The following SRL variants were observed in gnomAD, a reference collection of about 807,000 sequenced individuals.
The protein encoded by SRL is sarcalumenin.
Under a neutral mutation model 39.5 loss-of-function variants are expected in SRL, and 23 were observed. The observed-to-expected ratio is 0.58, with a 90% CI of 0.42 to 0.82. SRL has a LOEUF of 0.82. SRL is among the 40% of genes least tolerant of loss of function. SRL has a pLI of 0.00. For missense variants in SRL, 592 were observed against 607.8 expected, an observed-to-expected ratio of 0.97 and a Z score of 0.27; for synonymous variants, 272 against 237.4, an observed-to-expected ratio of 1.15 and a Z score of -1.34.
rs572901393 is a variant in SRL, at chr16:4,226,508, T to G, written c.61+15499A>C. ...GTAGGTGGGTGGGTGAGTGGAAGGA[T>G]GGATGGATGGATAAATGGAGGGACA... On this transcript the variant is annotated intron_variant, in intron 1 of 5. Coordinates refer to ENST00000399609, the MANE Select transcript of SRL (RefSeq NM_001098814.2). Among the ~76,000 whole-genome samples the G allele has an allele frequency of 2.7e-5, 4 of 149,908 alleles. No individual in the cohort carries two copies. The South Asian group carries it at 8.5e-4, about 32-fold the overall frequency.
chr16:4,222,090 T>TC (rs1391771260), intron 1 of SRL, among the ~76,000 whole-genome samples: 1 of 151,902 alleles, frequency 6.6e-6, no homozygotes, highest in Non-Finnish European at 1.5e-5. Context: ...CCATAACAGG[T>TC]CCCCCAATAG....
chr16:4,198,490 C>T (rs1054191322), intron 3 of SRL, among the ~76,000 whole-genome samples: 1 of 152,122 alleles, frequency 6.6e-6, no homozygotes, highest in Non-Finnish European at 1.5e-5. Flanking sequence ...TCTCCGTTGC[C>T]CAGGCTGAAA....
chr16:4,199,692 C>CTTTTTTTTTTTTTTTTTTTTTTT lies in SRL; in HGVS notation c.260-1778_260-1777insAAAAAAAAAAAAAAAAAAAAAAA, dbSNP rs201684866. On this transcript the variant is annotated intron_variant, in intron 3 of 5. Transcript: ENST00000399609. ...GCCCCTCCCCATCTTCTTTTCTTTT[C>CTTTTTTTTTTTTTTTTTTTTTTT]CTTTTTTTTTTTTTTTTTTTTTGAG... Among the ~76,000 whole-genome samples the CTTTTTTTTTTTTTTTTTTTTTTT allele has an allele frequency of 1.8e-5, 2 of 111,454 alleles. 1 individual carries two copies. Among genetic ancestry groups the CTTTTTTTTTTTTTTTTTTTTTTT allele is most frequent in the African/African-American group, 6.8e-5 (2 of 29,568 alleles). 73.1% of individuals were successfully genotyped at this position (111,454 alleles called of 152,430 possible).
intron 1 of SRL, chr16:4,207,084 T>C (rs773482746): frequency 2.2e-6 from 1 of 454,526 alleles, no homozygotes; most frequent in South Asian, 1.6e-5. Flanking sequence ...CCTGGCTTCC[T>C]GGGGCTCCCC....
chr16:4,238,885 C>T (rs1053915486), intron 1 of SRL, among the ~76,000 whole-genome samples: 10 of 151,872 alleles, frequency 6.6e-5, no homozygotes, highest in African/African-American at 1.9e-4. Flanking sequence ...GTTCCCAAAG[C>T]GCTGGGATTA....
intron 1 of SRL, among the ~76,000 whole-genome samples, chr16:4,223,676 C>A (rs2052556270): frequency 6.6e-6 from 1 of 152,078 alleles, no homozygotes. Context: ...AGATGAGCCA[C>A]CACATCCGGC....
chr16:4,205,360 G>A (rs1430843775), intron 1 of SRL, among the ~76,000 whole-genome samples: 1 of 152,158 alleles, frequency 6.6e-6, no homozygotes, highest in African/African-American at 2.4e-5. Flanking sequence ...GGGCTAGGTA[G>A]GAGAATGCCT....
chr16:4,210,406 C>G (rs1314178648), intron 1 of SRL, among the ~76,000 whole-genome samples: 1 of 150,522 alleles, frequency 6.6e-6, no homozygotes, highest in African/African-American at 2.4e-5. Flanking sequence ...TGCTTAAGCA[C>G]TTTATATATA....
In SRL at chr16:4,190,716, G is replaced by C. The variant is rs1263986381; in HGVS notation, c.*1437C>G. 1.1e-5 allele frequency: 4 copies of C among 371,340 alleles called. No homozygotes were observed. The highest frequency in any genetic ancestry group is 4.2e-5 in the African/African-American group (2 of 48,092). The allele number at this position is 371,340 out of a possible 1,614,324, so 23.0% of individuals were successfully genotyped here. A position where few individuals can be genotyped will look rare whatever the true frequency, so the allele number is the denominator to read the frequency against. On this transcript the variant is annotated 3_prime_UTR_variant, in exon 6 of 6. Transcript: ENST00000399609. ...CCTGCGGTGTGTTCAGTGGACATCT[G>C]CATCAAGGTCAGGCGGGAAGGTCAA...
rs550985641 is a variant in SRL at position 4,222,272 on chromosome 16, C to T, written c.62-17638G>A. 1.1e-4 allele frequency among the ~76,000 whole-genome samples: 16 copies of T among 152,304 alleles called. No homozygotes were observed. The South Asian group carries it at 2.3e-3, about 22-fold the overall frequency. On this transcript the variant is annotated intron_variant, in intron 1 of 5. Coordinates refer to ENST00000399609, the MANE Select transcript of SRL (RefSeq NM_001098814.2). ...CACCTGTCACCTATGTGACATCACCCTATGTGACGGCTTTTTTTAAAAACA... is the reference window on the plus strand; with the variant it reads ...CACCTGTCACCTATGTGACATCACCTTATGTGACGGCTTTTTTTAAAAACA...
At chr16:4,194,662 T>A (rs2052111991) in intron 5 of SRL, among the ~76,000 whole-genome samples, 1 of 152,096 alleles carries the variant, frequency 6.6e-6, no homozygotes, top group South Asian at 2.1e-4. Context: ...AGCTTGAACC[T>A]CTCAGAGCTG....
chr16:4,194,449 C>G (rs1304247294), intron 5 of SRL, among the ~76,000 whole-genome samples: 1 of 152,192 alleles, frequency 6.6e-6, no homozygotes, highest in East Asian at 1.9e-4. Context: ...TTGAAGAAGC[C>G]TGCTAAAGGC....
intron 1 of SRL, among the ~76,000 whole-genome samples, chr16:4,205,107 G>A (rs2052301898): frequency 6.6e-6 from 1 of 152,034 alleles, no homozygotes; most frequent in African/African-American, 2.4e-5. Context: ...AGGATCACTG[G>A]AGCCCAAAAG....
In SRL at chr16:4,195,535, A is replaced by C; in HGVS notation, c.610+18T>G. ...TTGAAACAGAGCTTACACTGTTCAG[A>C]AATGAGGGCTAAATTACCTCTTTCT... On this transcript the variant is annotated intron_variant, in intron 5 of 5. Transcript: ENST00000399609. 6.2e-7 allele frequency: 1 copy of C among 1,612,906 alleles called. No homozygotes were observed. Among genetic ancestry groups the C allele is most frequent in the African/African-American group, 1.3e-5 (1 of 74,990 alleles).
chr16:4,227,576 T>G (rs929268552), intron 1 of SRL, among the ~76,000 whole-genome samples: 1 of 151,974 alleles, frequency 6.6e-6, no homozygotes, highest in Non-Finnish European at 1.5e-5. Context: ...GGTGGACAGA[T>G]GGGTGAATGG....
At chr16:4,237,566 GC>G (rs1256293415) in intron 1 of SRL, among the ~76,000 whole-genome samples, 2 of 152,138 alleles carry the variant, frequency 1.3e-5, no homozygotes, top group Non-Finnish European at 2.9e-5. Flanking sequence ...TGCCCACAGA[GC>G]AAAGCCCTGC....
chr16:4,207,424 C>G (rs917345679), intron 1 of SRL: 2 of 456,658 alleles, frequency 4.4e-6, no homozygotes, highest in African/African-American at 4.0e-5. Flanking sequence ...TCTCCCCCAA[C>G]AGCCGCGACG....
chr16:4,209,212 G>T (rs2052362794), intron 1 of SRL, among the ~76,000 whole-genome samples: 1 of 152,018 alleles, frequency 6.6e-6, no homozygotes, highest in Non-Finnish European at 1.5e-5. Context: ...GGTGGAGGTT[G>T]CAGTGAGCCG....
At chr16:4,232,849 G>A (rs1210326090) in intron 1 of SRL, among the ~76,000 whole-genome samples, 3 of 152,156 alleles carry the variant, frequency 2.0e-5, no homozygotes, top group Non-Finnish European at 4.4e-5. Context: ...AGCTGGCCTA[G>A]GTCCTAGCCA....
Sources: gnomAD v4.1 joint callset for allele counts (sites outside exome capture counted in the v4.1 genomes callset) on GRCh38, gnomAD v4.1.1 for gene constraint, MANE v1.5 for transcripts, NCBI Gene and HGNC (gene_info 2026-07-23, HGNC 2026-07-21) for gene names.